The following NYAP2 variants were observed in gnomAD, a reference collection of about 807,000 sequenced individuals.
NYAP2 encodes neuronal tyrosine-phosphorylated phosphoinositide-3-kinase adapter 2.
NYAP2 carries 23 observed loss-of-function variants against 50.4 expected under a neutral mutation model. That is an observed-to-expected ratio of 0.46 (90% CI 0.33 to 0.65). The LOEUF (loss-of-function observed/expected upper bound fraction) is 0.65. Among genes scored for constraint, NYAP2 ranks in the 30% least tolerant of loss-of-function variants. NYAP2 has a pLI of 0.02. For synonymous variants in NYAP2, 394 were observed against 365.2 expected (o/e 1.08, Z -0.90); for missense variants, 885 against 861.0 (o/e 1.03, Z -0.35).
chr2:225,521,882 C>A (rs1476811576), intron 4 of NYAP2, among the ~76,000 whole-genome samples: 7 of 151,960 alleles, frequency 4.6e-5, no homozygotes, highest in African/African-American at 1.7e-4. Flanking sequence ...TGGTAGAATT[C>A]GGCTGTGAAT....
downstream of NYAP2, among the ~76,000 whole-genome samples, chr2:225,656,612 T>C (rs1253185949): frequency 6.6e-6 from 1 of 152,116 alleles, no homozygotes; most frequent in African/African-American, 2.4e-5. Context: ...AGGGGGTCCA[T>C]AGCTTGATGC....
At chr2:225,683,908 C>T in the NYAP2 span, among the ~76,000 whole-genome samples, 1 of 152,070 alleles carries the variant, frequency 6.6e-6, no homozygotes, top group Middle Eastern at 3.2e-3. Flanking sequence ...TGACCTCATA[C>T]ATATTTGGAC....
chr2:225,504,985 G>C (rs1414961457), intron 3 of NYAP2, among the ~76,000 whole-genome samples: 1 of 150,466 alleles, frequency 6.6e-6, no homozygotes, highest in East Asian at 2.0e-4. Context: ...TCCAGCCTGG[G>C]TGACGGAGCA....
At chr2:225,507,170 T>C (rs1369885478) in intron 3 of NYAP2, among the ~76,000 whole-genome samples, 1 of 152,220 alleles carries the variant, frequency 6.6e-6, no homozygotes, top group Non-Finnish European at 1.5e-5. Context: ...GTCTACATCA[T>C]TGTCATCATC....
chr2:225,483,382 A>G (rs1040641229), intron 3 of NYAP2, among the ~76,000 whole-genome samples: 1 of 152,320 alleles, frequency 6.6e-6, no homozygotes, highest in African/African-American at 2.4e-5. Flanking sequence ...AGAAAAAAAT[A>G]TGGTAATCCA....
At chr2:225,626,957 G>A in exon 6 of NYAP2, 2 of 1,584,934 alleles carry the variant, frequency 1.3e-6, no homozygotes, top group Non-Finnish European at 1.7e-6. Flanking sequence ...ACAGCACGGA[G>A]CCATTACCAA....
chr2:225,474,848 T>C (rs1186554054), intron 3 of NYAP2, among the ~76,000 whole-genome samples: 1 of 152,236 alleles, frequency 6.6e-6, no homozygotes, highest in African/African-American at 2.4e-5. Flanking sequence ...CAACACTATG[T>C]TGAATAGGAG....
chr2:225,578,015 T>C (rs1692197921), intron 4 of NYAP2, among the ~76,000 whole-genome samples: 2 of 152,110 alleles, frequency 1.3e-5, no homozygotes, highest in African/African-American at 4.8e-5. Flanking sequence ...CACTGCAACT[T>C]CTGCCTCCTG....
intron 3 of NYAP2, among the ~76,000 whole-genome samples, chr2:225,492,513 T>C (rs183023677): frequency 1.3e-5 from 2 of 152,344 alleles, no homozygotes; most frequent in Admixed American, 1.3e-4. Flanking sequence ...TGTAAAGGGC[T>C]CTGATAATTT....
chr2:225,661,917 T>G, the NYAP2 span, among the ~76,000 whole-genome samples: 2 of 152,110 alleles, frequency 1.3e-5, no homozygotes, highest in African/African-American at 2.4e-5. Context: ...ACACACAGGG[T>G]TTCACCATGT....
At chr2:225,584,286 A>G (rs1472818737) in intron 5 of NYAP2, among the ~76,000 whole-genome samples, 1 of 152,218 alleles carries the variant, frequency 6.6e-6, no homozygotes, top group East Asian at 1.9e-4. Context: ...TAGATCCATC[A>G]ATATATAACT....
chr2:225,656,997 A>C (rs1021574232), downstream of NYAP2, among the ~76,000 whole-genome samples: 2 of 152,022 alleles, frequency 1.3e-5, no homozygotes, highest in East Asian at 3.9e-4. Flanking sequence ...TAGATAGTAC[A>C]TTTGCACATA....
At chr2:225,542,731 CT>C (rs1691498751) in intron 4 of NYAP2, among the ~76,000 whole-genome samples, 1 of 151,890 alleles carries the variant, frequency 6.6e-6, no homozygotes, top group Non-Finnish European at 1.5e-5. Context: ...TTATAGTTTT[CT>C]TTTTTTGATG....
chr2:225,524,124 C>T (rs1056678262), intron 4 of NYAP2, among the ~76,000 whole-genome samples: 1 of 152,124 alleles, frequency 6.6e-6, no homozygotes, highest in Non-Finnish European at 1.5e-5. Context: ...GGTGAAGTCC[C>T]ACAATAGGCC....
chr2:225,573,295 AG>A (rs1692108329), intron 4 of NYAP2, among the ~76,000 whole-genome samples: 1 of 144,930 alleles, frequency 6.9e-6, no homozygotes, highest in Non-Finnish European at 1.5e-5. Flanking sequence ...CTTGTCACCC[AG>A]GCTGGAGTGC....
At chr2:225,631,075 A>G (rs1259517493) in intron 6 of NYAP2, among the ~76,000 whole-genome samples, 5 of 152,210 alleles carry the variant, frequency 3.3e-5, no homozygotes, top group African/African-American at 1.2e-4. Context: ...AATTCAGATG[A>G]CACCCTGGGG....
intron 3 of NYAP2, among the ~76,000 whole-genome samples, chr2:225,504,745 C>T (rs1690672544): frequency 6.6e-6 from 1 of 152,086 alleles, no homozygotes; most frequent in Non-Finnish European, 1.5e-5. Context: ...CACGGTGGCT[C>T]ATGCCTGTAA....
intron 3 of NYAP2, among the ~76,000 whole-genome samples, chr2:225,506,837 A>G (rs1182353137): frequency 6.6e-6 from 1 of 151,944 alleles, no homozygotes; most frequent in Non-Finnish European, 1.5e-5. Flanking sequence ...AACCACCACC[A>G]TTTCCCTTTC....
intron 3 of NYAP2, among the ~76,000 whole-genome samples, chr2:225,425,059 TA>T (rs1695266816): frequency 6.6e-6 from 1 of 152,148 alleles, no homozygotes; most frequent in African/African-American, 2.4e-5. Context: ...TATAGAAACT[TA>T]TTTTTTTTAA....
Sources: gnomAD v4.1 joint callset for allele counts (sites outside exome capture counted in the v4.1 genomes callset) on GRCh38, gnomAD v4.1.1 for gene constraint, MANE v1.5 for transcripts, NCBI Gene and HGNC (gene_info 2026-07-23, HGNC 2026-07-21) for gene names.